GRAMD1B: variants seen among roughly 807,000 people sequenced by gnomAD.
GRAMD1B encodes GRAM domain containing 1B, also known as protein Aster-B.
A neutral mutation model predicts 99.7 loss-of-function variants in GRAMD1B; 37 were observed. The ratio of observed to expected loss-of-function variants is 0.37; its 90% CI spans 0.29 to 0.49. GRAMD1B has a LOEUF of 0.49. Among genes scored for constraint, GRAMD1B ranks in the 20% least tolerant of loss-of-function variants. The probability of loss-of-function intolerance (pLI) is 0.98; values close to 1 mark genes in which losing one functional copy is unlikely to be tolerated. For synonymous variants in GRAMD1B, 427 were observed against 387.6 expected, an observed-to-expected ratio of 1.10 and a Z score of -1.19; for missense variants, 888 against 1,009.2, an observed-to-expected ratio of 0.88 and a Z score of 1.63.
chr11:123,613,087 T>G (rs909016036), intron 15 of GRAMD1B: 1 of 571,952 alleles, frequency 1.7e-6, no homozygotes, highest in Admixed American at 3.3e-5. Flanking sequence ...AAGAGATCAT[T>G]GAGGGATCTA....
At chr11:123,526,181 G>T in intron 2 of GRAMD1B, 3 of 1,610,922 alleles carry the variant, frequency 1.9e-6, no homozygotes, top group Non-Finnish European at 2.5e-6. Context: ...GGTAAGTAGA[G>T]GAGGGATAGG....
intron 2 of GRAMD1B, chr11:123,560,408 T>G: frequency 5.2e-6 from 6 of 1,144,516 alleles, no homozygotes; most frequent in South Asian, 1.8e-5. Flanking sequence ...TAAAGGGGAG[T>G]CATGCTTAAA....
At chr11:123,490,963 G>A (rs1389707701) in intron 2 of GRAMD1B, among the ~76,000 whole-genome samples, 1 of 152,206 alleles carries the variant, frequency 6.6e-6, no homozygotes, top group East Asian at 1.9e-4. Context: ...AGTGAAGGTG[G>A]AATGAGAATA....
chr11:123,373,958 A>G (rs1946612932), intron 1 of GRAMD1B, among the ~76,000 whole-genome samples: 1 of 152,230 alleles, frequency 6.6e-6, no homozygotes, highest in South Asian at 2.1e-4. Context: ...ATAAACTATC[A>G]GTTAACAGCC....
intron 1 of GRAMD1B, chr11:123,432,194 G>C: frequency 2.5e-6 from 1 of 395,576 alleles, no homozygotes; most frequent in Non-Finnish European, 4.5e-6. Context: ...TGTTGAGGAG[G>C]GTGTGGGGGA....
intron 2 of GRAMD1B, among the ~76,000 whole-genome samples, chr11:123,563,650 TAC>T (rs1263946444): frequency 6.6e-6 from 1 of 152,132 alleles, no homozygotes; most frequent in East Asian, 1.9e-4. Flanking sequence ...TAGCTGGGAT[TAC>T]ACAGTGTGAA....
intron 16 of GRAMD1B, 56 bp downstream of exon 16, chr11:123,613,714 G>A (rs974608891): frequency 2.2e-6 from 3 of 1,347,828 alleles, no homozygotes; most frequent in South Asian, 1.2e-5. Flanking sequence ...GGAGCTGCAT[G>A]CCCACACCAA....
rs1369897662 is a variant in GRAMD1B at position 123,625,157 on chromosome 11, C to T, written c.*2562C>T. ...CGAAAGACATCTTAACTCACCCTTG[C>T]AGATAAGTCTTGGAGTGAAACAAAT... On this transcript the variant is annotated 3_prime_UTR_variant, in exon 20 of 20. Coordinates refer to ENST00000635736, the MANE Select transcript of GRAMD1B (RefSeq NM_001387025.1). 6.6e-6 allele frequency: 1 copy of T among 152,232 alleles called. No homozygotes were observed. The highest frequency in any genetic ancestry group is 1.5e-5 in the Non-Finnish European group (1 of 68,042). 9.4% of individuals were successfully genotyped at this position (152,232 alleles called of 1,614,324 possible). A position where few individuals can be genotyped will look rare whatever the true frequency, so the allele number is the denominator to read the frequency against.
chr11:123,393,025 G>T (rs943778527), intron 1 of GRAMD1B, among the ~76,000 whole-genome samples: 4 of 152,222 alleles, frequency 2.6e-5, no homozygotes, highest in African/African-American at 9.7e-5. Context: ...CAGACACTCA[G>T]AGAGCTCTCC....
At position 123,587,524 on chromosome 11, in the gene GRAMD1B, G is replaced by A. The variant is rs1950190445; in HGVS notation, c.684+3192G>A. Among the ~76,000 whole-genome samples, 1 of 152,238 alleles carries A rather than the reference G, an allele frequency of 6.6e-6. No homozygotes were observed. The highest frequency in any genetic ancestry group is 6.5e-5 in the Admixed American group (1 of 15,290). On this transcript the variant is annotated intron_variant, in intron 4 of 19. Transcript: ENST00000635736. The surrounding 1 kb of genome is among the most constrained non-coding windows in gnomAD (Gnocchi z 4.2). ...CCTGGCCAGGGCCACTGGGGCAAGA[G>A]GGGTGAAATTTACTCCCCCTCAGCC...
At chr11:123,443,005 G>A (rs10893038) in intron 1 of GRAMD1B, among the ~76,000 whole-genome samples, 32,928 of 151,872 alleles carry the variant, frequency 0.22, 3,954 homozygotes, top group African/African-American at 0.29. Flanking sequence ...GGTTTTAGCC[G>A]GCTTTTTTAC....
At chr11:123,597,813 T>C in intron 7 of GRAMD1B, 1 of 617,590 alleles carries the variant, frequency 1.6e-6, no homozygotes, top group Middle Eastern at 4.5e-4. Context: ...GCCTTGTTTC[T>C]ACAAGTTGCA....
intron 1 of GRAMD1B, among the ~76,000 whole-genome samples, chr11:123,365,885 T>C (rs761262656): frequency 2.0e-5 from 3 of 152,204 alleles, no homozygotes; most frequent in Non-Finnish European, 4.4e-5. Flanking sequence ...CTTTTTTTTG[T>C]AGATTATCTT....
At chr11:123,525,758 A>C in intron 2 of GRAMD1B, 1 of 273,848 alleles carries the variant, frequency 3.7e-6, no homozygotes, top group Non-Finnish European at 7.1e-6. Context: ...AGCTGGTATG[A>C]GGTGAGGGTG....
intron 1 of GRAMD1B, among the ~76,000 whole-genome samples, chr11:123,455,167 A>G (rs1294486200): frequency 6.6e-6 from 1 of 152,236 alleles, no homozygotes; most frequent in Non-Finnish European, 1.5e-5. Flanking sequence ...TGCCCAACAT[A>G]TAGAGATGAG....
At chr11:123,364,627 G>C (rs1409814865) in intron 1 of GRAMD1B, among the ~76,000 whole-genome samples, 6 of 152,190 alleles carry the variant, frequency 3.9e-5, no homozygotes. Flanking sequence ...ATAAACTCAG[G>C]TCAGAACTTC....
intron 1 of GRAMD1B, among the ~76,000 whole-genome samples, chr11:123,479,935 A>G (rs1490220506): frequency 1.3e-5 from 2 of 152,158 alleles, no homozygotes; most frequent in African/African-American, 4.8e-5. Flanking sequence ...CACGGGGCTG[A>G]GCAAAAACAC....
intron 1 of GRAMD1B, among the ~76,000 whole-genome samples, chr11:123,468,954 C>T (rs913838466): frequency 2.6e-5 from 4 of 151,786 alleles, no homozygotes; most frequent in African/African-American, 9.7e-5. Context: ...TTTAATTCTC[C>T]CAAAACCCCA....
At chr11:123,439,193 G>T (rs1949298194) in intron 1 of GRAMD1B, among the ~76,000 whole-genome samples, 1 of 152,192 alleles carries the variant, frequency 6.6e-6, no homozygotes, top group African/African-American at 2.4e-5. Context: ...CCTCTCAGAG[G>T]AGACTTGTTT....
Sources: gnomAD v4.1 joint callset for allele counts (sites outside exome capture counted in the v4.1 genomes callset) on GRCh38, gnomAD v4.1.1 for gene constraint, Gnocchi (gnomAD v3.1) non-coding constraint, MANE v1.5 for transcripts, NCBI Gene and HGNC (gene_info 2026-07-23, HGNC 2026-07-21) for gene names.